Variants in COBLL1 observed in about 807,000 individuals in gnomAD.
COBLL1 encodes cordon-bleu WH2 repeat protein like 1.
Under a neutral mutation model 94.8 loss-of-function variants are expected in COBLL1, and 50 were observed. The ratio of observed to expected loss-of-function variants is 0.53; its 90% confidence interval spans 0.42 to 0.67. The LOEUF (loss-of-function observed/expected upper bound fraction) is 0.67. Among genes scored for constraint, COBLL1 ranks in the 30% least tolerant of loss-of-function variants. COBLL1 has a pLI of 0.00. For synonymous variants in COBLL1, 448 were observed against 473.8 expected, an observed-to-expected ratio of 0.95 and a Z score of 0.71; for missense variants, 1,362 against 1,348.7, an observed-to-expected ratio of 1.01 and a Z score of -0.15.
chr2:164,719,844 A>G (rs1230521822), intron 7 of COBLL1, among the ~76,000 whole-genome samples: 4 of 152,162 alleles, frequency 2.6e-5, no homozygotes, highest in Non-Finnish European at 1.5e-5. Flanking sequence ...AAAAGAAGAG[A>G]TGTCTTCTCT....
At chr2:164,739,518 T>C (rs951840699) in intron 3 of COBLL1, among the ~76,000 whole-genome samples, 1 of 152,158 alleles carries the variant, frequency 6.6e-6, no homozygotes, top group Non-Finnish European at 1.5e-5. Flanking sequence ...CGTCAAACAT[T>C]GATAGTATTC....
intron 2 of COBLL1, among the ~76,000 whole-genome samples, chr2:164,832,688 T>C (rs978575539): frequency 1.1e-4 from 16 of 152,194 alleles, no homozygotes; most frequent in African/African-American, 3.6e-4. Flanking sequence ...TATTAAACCA[T>C]ACTTTTAAAA....
At chr2:164,751,059 G>A (rs531200157) in intron 2 of COBLL1, among the ~76,000 whole-genome samples, 1 of 152,170 alleles carries the variant, frequency 6.6e-6, no homozygotes, top group African/African-American at 2.4e-5. Context: ...GGTCCAAAAT[G>A]CTTTTAACCA....
At chr2:164,671,752 GCTGTCATTTA>G (rs1471587291) in intron 1 of COBLL1, among the ~76,000 whole-genome samples, 1 of 151,304 alleles carries the variant, frequency 6.6e-6, no homozygotes, top group Non-Finnish European at 1.5e-5. Flanking sequence ...AAGAGGCTGA[GCTGTCATTTA>G]CTTGGAATGG....
intron 1 of COBLL1, among the ~76,000 whole-genome samples, chr2:164,669,722 C>T (rs1355143634): frequency 6.6e-6 from 1 of 152,214 alleles, no homozygotes; most frequent in Non-Finnish European, 1.5e-5. Flanking sequence ...CAATTGATTC[C>T]ATTCACATCC....
At chr2:164,754,129 T>C (rs1395599850) in intron 2 of COBLL1, among the ~76,000 whole-genome samples, 1 of 152,166 alleles carries the variant, frequency 6.6e-6, no homozygotes, top group African/African-American at 2.4e-5. Flanking sequence ...GTGCTATAAG[T>C]GTAAAATACA....
At chr2:164,791,748 A>G (rs1166283752) in intron 2 of COBLL1, among the ~76,000 whole-genome samples, 2 of 152,170 alleles carry the variant, frequency 1.3e-5, no homozygotes, top group African/African-American at 4.8e-5. Context: ...TCCTGATGGT[A>G]GCAGAGGTAG....
At chr2:164,791,320 C>T (rs1683179162) in intron 2 of COBLL1, among the ~76,000 whole-genome samples, 1 of 151,702 alleles carries the variant, frequency 6.6e-6, no homozygotes, top group South Asian at 2.1e-4. Context: ...ATTATTTATT[C>T]CCTGAGAAAG....
In COBLL1 at chr2:164,725,101, G is replaced by GATATATATATATATATATATAT. The variant is rs760164549; in HGVS notation, c.662-2601_662-2580dup. Reference sequence around the variant, plus strand: ...GAAGATGCTAGCATTTACCCTGCAGGATATATATATATATATATATATATA... The same window carrying GATATATATATATATATATATAT: ...GAAGATGCTAGCATTTACCCTGCAGGATATATATATATATATATATATATATATATATATATATATATATATA... On this transcript the variant is annotated intron_variant, in intron 5 of 13. Transcript: ENST00000652658. 52 of 76,232 alleles carry GATATATATATATATATATATAT rather than the reference G, an allele frequency of 6.8e-4. No individual in the cohort carries two copies. The Admixed American group carries it at 6.9e-3, about 10-fold the overall frequency. 4.7% of individuals were successfully genotyped at this position (76,232 alleles called of 1,614,324 possible). A position where few individuals can be genotyped will look rare whatever the true frequency, so the allele number is the denominator to read the frequency against.
chr2:164,816,412 A>G (rs1194666882), intron 2 of COBLL1, among the ~76,000 whole-genome samples: 1 of 152,192 alleles, frequency 6.6e-6, no homozygotes, highest in Non-Finnish European at 1.5e-5. Context: ...TGCCTTCTAC[A>G]GAATCTGGCC....
chr2:164,716,037 C>A (rs1484947397), intron 7 of COBLL1, among the ~76,000 whole-genome samples: 1 of 152,104 alleles, frequency 6.6e-6, no homozygotes, highest in Non-Finnish European at 1.5e-5. Context: ...TCCACTTATT[C>A]AAATGTAAAA....
intron 13 of COBLL1, among the ~76,000 whole-genome samples, chr2:164,686,325 G>A (rs1401817689): frequency 3.9e-5 from 6 of 152,110 alleles, no homozygotes; most frequent in Non-Finnish European, 8.8e-5. Context: ...AAACCAAGCT[G>A]TTAAAGAGCA....
Position 164,841,495 on chromosome 2 carries a change from A to T in COBLL1, c.-51+215T>A. On this transcript the variant is annotated intron_variant, in intron 1 of 13. Transcript: ENST00000652658. The surrounding 1 kb of genome is among the most constrained non-coding windows in gnomAD (Gnocchi z 5.5). ...CTGCAGCCCCCGCCCCGTGGGGTTT[A>T]CTGGGTAGCCATTTGGCGCCTCTCG... 1 of 1,106,254 alleles carries T rather than the reference A, an allele frequency of 9.0e-7. No homozygotes were observed. Among genetic ancestry groups the T allele is most frequent in the African/African-American group, 1.6e-5 (1 of 60,632 alleles). 68.5% of individuals were successfully genotyped at this position (1,106,254 alleles called of 1,614,324 possible).
Position 164,683,147 on chromosome 2 carries a change from G to C in COBLL1, c.*2799C>G, listed in dbSNP as rs1683120628. ...CTTTGGAGAGGAGAGTGGGATGCTGGGGATGAAAAAGAATGTATTTTATAC... is the reference window on the plus strand; with the variant it reads ...CTTTGGAGAGGAGAGTGGGATGCTGCGGATGAAAAAGAATGTATTTTATAC... On this transcript the variant is annotated 3_prime_UTR_variant, in exon 14 of 14. Transcript: ENST00000652658. The C allele has an allele frequency of 6.6e-6, 1 of 151,482 alleles. No individual in the cohort carries two copies. The highest frequency in any genetic ancestry group is 6.6e-5 in the Admixed American group (1 of 15,182). 9.4% of individuals were successfully genotyped at this position (151,482 alleles called of 1,614,324 possible). A position where few individuals can be genotyped will look rare whatever the true frequency, so the allele number is the denominator to read the frequency against.
intron 3 of COBLL1, 54 bp downstream of exon 3, chr2:164,743,633 T>A: frequency 7.2e-7 from 1 of 1,394,828 alleles, no homozygotes; most frequent in Non-Finnish European, 1.0e-6. Context: ...CACAGAGACT[T>A]TCAATGGTGG....
chr2:164,680,108 C>CT (rs1435535027), downstream of COBLL1: 6 of 152,080 alleles, frequency 3.9e-5, no homozygotes, highest in Admixed American at 3.9e-4. Context: ...GACTAACATT[C>CT]TTAATGGGTG....
chr2:164,763,822 G>T (rs1283935395), intron 2 of COBLL1, among the ~76,000 whole-genome samples: 3 of 152,168 alleles, frequency 2.0e-5, no homozygotes, highest in African/African-American at 7.2e-5. Context: ...AAAGGAATAG[G>T]GATGAAAGTT....
intron 2 of COBLL1, among the ~76,000 whole-genome samples, chr2:164,664,404 T>C (rs1691120119): frequency 1.3e-5 from 2 of 152,256 alleles, no homozygotes; most frequent in Non-Finnish European, 2.9e-5. Context: ...TATTTGAGAC[T>C]TCATGACAAA....
chr2:164,758,656 C>T (rs539891771), intron 2 of COBLL1, among the ~76,000 whole-genome samples: 6 of 152,064 alleles, frequency 3.9e-5, no homozygotes, highest in South Asian at 2.1e-4. Flanking sequence ...GTGACTGACA[C>T]TACAATTAAA....
Sources: gnomAD v4.1 joint callset for allele counts (sites outside exome capture counted in the v4.1 genomes callset) on GRCh38, gnomAD v4.1.1 for gene constraint, Gnocchi (gnomAD v3.1) non-coding constraint, MANE v1.5 for transcripts, NCBI Gene and HGNC (gene_info 2026-07-23, HGNC 2026-07-21) for gene names.